NRXN1: variants seen among roughly 807,000 people sequenced by gnomAD.
The protein encoded by NRXN1 is neurexin-1.
NRXN1 carries 39 observed loss-of-function variants against 150.9 expected under a neutral mutation model. That is an observed-to-expected ratio of 0.26 (90% CI 0.20 to 0.34). NRXN1 has a LOEUF of 0.34. NRXN1 is among the 10% of genes least tolerant of loss of function. The probability of loss-of-function intolerance (pLI) is 1.00; values close to 1 mark genes in which losing one functional copy is unlikely to be tolerated. For missense variants in NRXN1, 1,815 were observed against 1,949.9 expected (o/e 0.93, Z 1.30); for synonymous variants, 924 against 757.0 (o/e 1.22, Z -3.62).
chr2:50,857,482 T>C (rs908928467), intron 5 of NRXN1, among the ~76,000 whole-genome samples: 1 of 152,094 alleles, frequency 6.6e-6, no homozygotes, highest in African/African-American at 2.4e-5. Context: ...TGTGACTCAC[T>C]GATGCTTTTG....
intron 18 of NRXN1, among the ~76,000 whole-genome samples, chr2:50,212,803 T>C (rs1242717893): frequency 6.6e-6 from 1 of 151,926 alleles, no homozygotes; most frequent in Non-Finnish European, 1.5e-5. Flanking sequence ...TTGCATTATA[T>C]GAAACTTCAA....
intron 17 of NRXN1, among the ~76,000 whole-genome samples, chr2:50,369,879 C>A (rs1304784102): frequency 6.6e-6 from 1 of 151,950 alleles, no homozygotes; most frequent in African/African-American, 2.4e-5. Context: ...ACCACTACAT[C>A]ACCATTGGGA....
At chr2:50,643,860 T>C (rs186206443) in intron 5 of NRXN1, among the ~76,000 whole-genome samples, 256 of 151,960 alleles carry the variant, frequency 1.7e-3, no homozygotes, top group Non-Finnish European at 2.9e-3. Flanking sequence ...TCAAAAAATT[T>C]AGGCTTTTAT....
chr2:50,773,064 C>G (rs181063857), intron 5 of NRXN1, among the ~76,000 whole-genome samples: 1 of 152,300 alleles, frequency 6.6e-6, no homozygotes, highest in African/African-American at 2.4e-5. Context: ...ATCCCAGTAA[C>G]AAGCTGTCAT....
At chr2:50,816,020 A>C (rs141685358) in intron 5 of NRXN1, among the ~76,000 whole-genome samples, 2,033 of 152,306 alleles carry the variant, frequency 0.013, 144 homozygotes, top group Admixed American at 0.12. Flanking sequence ...GTAAACAAAC[A>C]TCCTAAGATC....
At chr2:50,481,760 CTTTTTTTTTTTT>C (rs758265489) in intron 15 of NRXN1, among the ~76,000 whole-genome samples, 4 of 82,958 alleles carry the variant, frequency 4.8e-5, no homozygotes, top group South Asian at 4.9e-4. Context: ...ACTTTTGTTT[CTTTTTTTTTTTT>C]TTTTTTTTTT....
intron 8 of NRXN1, among the ~76,000 whole-genome samples, chr2:50,614,873 G>A (rs1678816172): frequency 6.6e-6 from 1 of 151,922 alleles, no homozygotes. Context: ...GGATTAAGGG[G>A]CATTTGCAGG....
At chr2:50,325,110 T>A (rs1017109370) in intron 17 of NRXN1, among the ~76,000 whole-genome samples, 4 of 152,080 alleles carry the variant, frequency 2.6e-5, no homozygotes, top group Non-Finnish European at 5.9e-5. Context: ...TAACATTAAA[T>A]TTCTGTACCC....
At chr2:50,615,029 G>A (rs1262037179) in intron 8 of NRXN1, among the ~76,000 whole-genome samples, 1 of 152,096 alleles carries the variant, frequency 6.6e-6, no homozygotes, top group Admixed American at 6.6e-5. Context: ...TCACCAATAA[G>A]GTGAGGGAAA....
rs528240129 is a variant in NRXN1 at position 50,013,356 on chromosome 2, A to C, written c.4128+39915T>G. Among the ~76,000 whole-genome samples, 48 of 148,238 alleles carry C rather than the reference A, an allele frequency of 3.2e-4. 1 individual carries two copies. Among genetic ancestry groups the C allele is most frequent in the African/African-American group, 1.2e-3 (47 of 40,350 alleles). The stretch of plus-strand genomic sequence containing the variant: ...CATGTGGTCTCAGCATTCTGTACAA[A>C]TGATTTTACTGGCTTCGTAAACTCC... On this transcript the variant is annotated intron_variant, in intron 21 of 22. Coordinates refer to ENST00000401669, the MANE Select transcript of NRXN1 (RefSeq NM_001330078.2).
At chr2:50,437,973 G>A (rs1401817763) in intron 17 of NRXN1, among the ~76,000 whole-genome samples, 1 of 152,156 alleles carries the variant, frequency 6.6e-6, no homozygotes, top group Non-Finnish European at 1.5e-5. Flanking sequence ...CAAGGAAAGA[G>A]GATCCTACAA....
At chr2:50,545,039 A>C (rs1253311845) in intron 9 of NRXN1, among the ~76,000 whole-genome samples, 1 of 152,154 alleles carries the variant, frequency 6.6e-6, no homozygotes, top group African/African-American at 2.4e-5. Flanking sequence ...ATATTTATAG[A>C]TATATTGATG....
intron 18 of NRXN1, among the ~76,000 whole-genome samples, chr2:50,173,211 T>C (rs961352400): frequency 3.9e-5 from 6 of 152,016 alleles, no homozygotes; most frequent in Non-Finnish European, 7.4e-5. Context: ...CAAAAACTCA[T>C]CAGAAAAGAT....
At chr2:50,995,924 T>A (rs931730594) in intron 2 of NRXN1, among the ~76,000 whole-genome samples, 2 of 152,078 alleles carry the variant, frequency 1.3e-5, no homozygotes, top group Admixed American at 1.3e-4. Flanking sequence ...ATAATAACTT[T>A]TAGCTTTGTA....
chr2:50,790,864 G>A (rs914046423), intron 5 of NRXN1, among the ~76,000 whole-genome samples: 3 of 152,042 alleles, frequency 2.0e-5, no homozygotes, highest in African/African-American at 4.8e-5. Flanking sequence ...TATTTTGACC[G>A]CAACTCATCA....
chr2:50,193,439 A>G (rs2152825171), intron 18 of NRXN1, among the ~76,000 whole-genome samples: 1 of 152,258 alleles, frequency 6.6e-6, no homozygotes, highest in Non-Finnish European at 1.5e-5. Flanking sequence ...TTTATAATTT[A>G]TTCCTGCTTC....
intron 16 of NRXN1, among the ~76,000 whole-genome samples, chr2:50,469,945 C>A (rs2089298158): frequency 1.3e-5 from 2 of 151,358 alleles, no homozygotes; most frequent in South Asian, 4.2e-4. Flanking sequence ...ATCATTACTG[C>A]AAATGCCCTT....
At chr2:50,842,266 GA>G (rs1190070448) in intron 5 of NRXN1, among the ~76,000 whole-genome samples, 1 of 152,146 alleles carries the variant, frequency 6.6e-6, no homozygotes, top group African/African-American at 2.4e-5. Flanking sequence ...TTAGATCACA[GA>G]TATGTGTTAA....
At chr2:50,044,566 A>C (rs936869683) in intron 21 of NRXN1, among the ~76,000 whole-genome samples, 3 of 152,178 alleles carry the variant, frequency 2.0e-5, no homozygotes, top group African/African-American at 7.2e-5. Flanking sequence ...AAAGAGTCTA[A>C]AATATCTTTT....
Sources: allele counts gnomAD v4.1 joint callset (sites outside exome capture counted in the v4.1 genomes callset), GRCh38; gene constraint gnomAD v4.1.1; transcripts MANE v1.5; gene names NCBI Gene and HGNC (gene_info 2026-07-23, HGNC 2026-07-21).